The following CEP89 variants were observed in gnomAD, a reference collection of about 807,000 sequenced individuals.
The protein encoded by CEP89 is centrosomal protein of 89 kDa.
CEP89 carries 95 observed loss-of-function variants against 97.6 expected under a neutral mutation model. The observed-to-expected ratio is 0.97, with a 90% CI of 0.82 to 1.15. The LOEUF is 1.15. CEP89 is among the 50% of genes most tolerant of loss of function. The pLI is 0.00. For missense variants in CEP89, 869 were observed against 947.7 expected (o/e 0.92, Z 1.09); for synonymous variants, 354 against 349.1 (o/e 1.01, Z -0.16).
intron 5 of CEP89, among the ~76,000 whole-genome samples, chr19:32,943,334 T>C (rs1206769658): frequency 6.6e-6 from 1 of 152,162 alleles, no homozygotes; most frequent in East Asian, 1.9e-4. Flanking sequence ...TCACATGACA[T>C]GAACACATTC....
chr19:32,886,602 T>C (rs1969400518), intron 17 of CEP89, among the ~76,000 whole-genome samples: 1 of 152,234 alleles, frequency 6.6e-6, no homozygotes, highest in African/African-American at 2.4e-5. Flanking sequence ...CCTTGGGGCC[T>C]GCTCACAGGT....
chr19:32,958,796 C>T (rs991711620), intron 3 of CEP89, among the ~76,000 whole-genome samples: 3 of 152,088 alleles, frequency 2.0e-5, no homozygotes, highest in African/African-American at 7.2e-5. Flanking sequence ...GCGGGTGGAT[C>T]ACCTGAGGTC....
chr19:32,960,681 G>A (rs1971147977), intron 2 of CEP89, among the ~76,000 whole-genome samples: 1 of 151,906 alleles, frequency 6.6e-6, no homozygotes, highest in Non-Finnish European at 1.5e-5. Flanking sequence ...GTGGTGGCGC[G>A]CACCTGTAAT....
intron 16 of CEP89, among the ~76,000 whole-genome samples, chr19:32,891,234 A>G (rs960670817): frequency 6.6e-5 from 10 of 152,202 alleles, no homozygotes; most frequent in South Asian, 4.1e-4. Context: ...TCCCCTGCCC[A>G]ATGCCTCCAT....
Position 32,915,518 on chromosome 19 carries a change from C to A in CEP89, c.1385-1G>T. On this transcript the variant is annotated splice_acceptor_variant, in intron 13 of 18. Coordinates refer to ENST00000305768, the MANE Select transcript of CEP89 (RefSeq NM_032816.5). LOFTEE classifies it high-confidence loss of function. Reference sequence around the variant, plus strand: ...ATTAGTTGTTTAGTCAGCTTAGAAACTGAAAATCAAAAGAGGAAGATAAAA... The same window carrying A: ...ATTAGTTGTTTAGTCAGCTTAGAAAATGAAAATCAAAAGAGGAAGATAAAA... 6.2e-7 allele frequency: 1 copy of A among 1,604,468 alleles called. No individual in the cohort carries two copies. Among genetic ancestry groups the A allele is most frequent in the Non-Finnish European group, 8.5e-7 (1 of 1,177,858 alleles).
intron 16 of CEP89, among the ~76,000 whole-genome samples, chr19:32,890,781 G>A (rs1336033461): frequency 1.3e-5 from 2 of 152,092 alleles, no homozygotes; most frequent in African/African-American, 4.8e-5. Flanking sequence ...CCTGGAGTCT[G>A]TGTGACCCCA....
chr19:32,947,032 G>A (rs1221141255), intron 5 of CEP89, among the ~76,000 whole-genome samples: 8 of 152,050 alleles, frequency 5.3e-5, no homozygotes, highest in Admixed American at 5.2e-4. Context: ...TGACCAACAG[G>A]TGTTTTCTGG....
intron 9 of CEP89, among the ~76,000 whole-genome samples, chr19:32,930,021 CTTT>C (rs777333613): frequency 2.2e-5 from 3 of 133,392 alleles, no homozygotes; most frequent in Non-Finnish European, 1.6e-5. Context: ...CTTTTTTTTC[CTTT>C]TTTTTTTTTT....
chr19:32,963,536 C>T (rs16967665), intron 2 of CEP89: 20,940 of 152,134 alleles, frequency 0.14, 1,470 homozygotes, highest in East Asian at 0.29. Flanking sequence ...AAGGGTTGTT[C>T]TGTCGTCAAC....
chr19:32,963,054 A>T (rs933246346), intron 2 of CEP89, among the ~76,000 whole-genome samples: 1 of 152,194 alleles, frequency 6.6e-6, no homozygotes, highest in Admixed American at 6.6e-5. Context: ...ACCATTAGCC[A>T]TTAGAGAAAT....
chr19:32,912,935 G>A (rs371534971), intron 14 of CEP89, among the ~76,000 whole-genome samples: 3 of 151,488 alleles, frequency 2.0e-5, no homozygotes, highest in African/African-American at 4.8e-5. Flanking sequence ...CCAGCTACTC[G>A]GGAGGCTGAG....
Position 32,878,848 on chromosome 19 carries a change from G to T in CEP89, c.*314C>A, listed in dbSNP as rs1599701245. The T allele has an allele frequency of 1.2e-5, 3 of 245,116 alleles. No homozygotes were observed. The East Asian group carries it at 2.2e-4, about 18-fold the overall frequency. 15.2% of individuals were successfully genotyped at this position (245,116 alleles called of 1,614,324 possible). On this transcript the variant is annotated 3_prime_UTR_variant, in exon 19 of 19. Coordinates refer to ENST00000305768, the MANE Select transcript of CEP89 (RefSeq NM_032816.5). ...CTGGGCCTGACAGTGCACACCTGAGGTCCCAGCTACTCAGGAGGCTGAAGC... is the reference window on the plus strand; with the variant it reads ...CTGGGCCTGACAGTGCACACCTGAGTTCCCAGCTACTCAGGAGGCTGAAGC...
At chr19:32,894,612 C>T (rs934578976) in intron 16 of CEP89, among the ~76,000 whole-genome samples, 3 of 152,194 alleles carry the variant, frequency 2.0e-5, no homozygotes, top group African/African-American at 7.2e-5. Context: ...GTAAAAAACA[C>T]ACCCTAGGTG....
intron 17 of CEP89, among the ~76,000 whole-genome samples, chr19:32,882,752 ACT>A (rs1209116225): frequency 1.3e-5 from 2 of 152,064 alleles, no homozygotes; most frequent in Non-Finnish European, 2.9e-5. Context: ...AAGGGCTGTC[ACT>A]CTCTGTCACC....
chr19:32,903,411 A>AT (rs1480390831), intron 14 of CEP89, among the ~76,000 whole-genome samples: 1 of 152,182 alleles, frequency 6.6e-6, no homozygotes, highest in Non-Finnish European at 1.5e-5. Context: ...AACAGAACAG[A>AT]TTCAGAAGTG....
At chr19:32,959,120 T>G (rs74889516) in intron 3 of CEP89, among the ~76,000 whole-genome samples, 2,256 of 149,484 alleles carry the variant, frequency 0.015, 17 homozygotes, top group Non-Finnish European at 0.023. Context: ...CTTAGAGACC[T>G]CCAGTGTCTT....
intron 14 of CEP89, among the ~76,000 whole-genome samples, chr19:32,904,227 T>C (rs1490082774): frequency 6.6e-6 from 1 of 152,150 alleles, no homozygotes; most frequent in Non-Finnish European, 1.5e-5. Flanking sequence ...TGAAAAACAG[T>C]GACAATGAAA....
In CEP89 at chr19:32,933,590, G is replaced by T; in HGVS notation, c.747C>A (p.Asp249Glu). The T allele has an allele frequency of 1.9e-6, 3 of 1,612,802 alleles. No homozygotes were observed. The highest frequency in any genetic ancestry group is 2.5e-6 in the Non-Finnish European group (3 of 1,178,914). ...TAAGGCTTTGATTCATATTGTTTAG[G>T]TCCATATTTTCTTCTTTTAATGCCT... ...KFEALKEENMDLNNMNQSLTL... is the reference protein window; with the variant it reads ...KFEALKEENMELNNMNQSLTL... Residue 249 changes from aspartate to glutamate, a missense_variant, in exon 8 of 19, where the codon GAC becomes GAA. Coordinates refer to ENST00000305768, the MANE Select transcript of CEP89 (RefSeq NM_032816.5).
chr19:32,911,344 T>C (rs922754836), intron 14 of CEP89, among the ~76,000 whole-genome samples: 53 of 152,244 alleles, frequency 3.5e-4, no homozygotes, highest in African/African-American at 1.1e-3. Flanking sequence ...AAATGTTTCC[T>C]TCCTCTACTA....
Sources: gnomAD v4.1 joint callset for allele counts (sites outside exome capture counted in the v4.1 genomes callset) on GRCh38, gnomAD v4.1.1 for gene constraint, MANE v1.5 for transcripts, NCBI Gene and HGNC (gene_info 2026-07-23, HGNC 2026-07-21) for gene names.